The following MAGI2 variants were observed in gnomAD, a reference collection of about 807,000 sequenced individuals.
MAGI2 encodes membrane-associated guanylate kinase, WW and PDZ domain-containing protein 2.
In MAGI2, 35 loss-of-function variants were observed where a neutral mutation model predicts 133.3. The ratio of observed to expected loss-of-function variants is 0.26; its 90% CI spans 0.20 to 0.35. The LOEUF is 0.35. Among genes scored for constraint, MAGI2 ranks in the 10% least tolerant of loss-of-function variants. MAGI2 has a pLI of 1.00. For missense variants in MAGI2, 1,636 were observed against 1,863.4 expected (o/e 0.88, Z 2.25); for synonymous variants, 729 against 710.6 (o/e 1.03, Z -0.41).
At chr7:78,232,022 C>T (rs1211144035) in intron 10 of MAGI2, among the ~76,000 whole-genome samples, 1 of 151,528 alleles carries the variant, frequency 6.6e-6, no homozygotes, top group Non-Finnish European at 1.5e-5. Context: ...ATGGCCTTGA[C>T]TCAGGAACCA....
chr7:78,290,283 AAG>A (rs1796566303), intron 9 of MAGI2, among the ~76,000 whole-genome samples: 2 of 152,200 alleles, frequency 1.3e-5, no homozygotes, highest in Admixed American at 1.3e-4. Flanking sequence ...GGAAAACAAA[AAG>A]AGCAGGGGTT....
intron 5 of MAGI2, among the ~76,000 whole-genome samples, chr7:78,495,628 T>C (rs533009164): frequency 1.3e-5 from 2 of 152,324 alleles, no homozygotes; most frequent in East Asian, 1.9e-4. Context: ...TATCTATACA[T>C]AGGTAATACA....
At chr7:78,863,959 A>C (rs970153942) in intron 2 of MAGI2, among the ~76,000 whole-genome samples, 2 of 152,210 alleles carry the variant, frequency 1.3e-5, no homozygotes, top group Non-Finnish European at 1.5e-5. Context: ...CAGTATGCAT[A>C]TGGGGACCAG....
chr7:78,535,990 C>T (rs1291451327), intron 3 of MAGI2, among the ~76,000 whole-genome samples: 9 of 151,700 alleles, frequency 5.9e-5, no homozygotes, highest in Admixed American at 5.9e-4. Context: ...ACTTTCTGAC[C>T]CTCTTCTCAC....
chr7:78,128,631 T>A (rs1348502937), intron 18 of MAGI2, among the ~76,000 whole-genome samples: 2 of 152,146 alleles, frequency 1.3e-5, no homozygotes, highest in Non-Finnish European at 2.9e-5. Flanking sequence ...TAAGTATTTT[T>A]AAAAATCACT....
chr7:79,425,066 G>A (rs1847243913), intron 1 of MAGI2, among the ~76,000 whole-genome samples: 1 of 151,888 alleles, frequency 6.6e-6, no homozygotes, highest in Admixed American at 6.6e-5. Context: ...TGGCCAAGAT[G>A]GTGAAACTCC....
chr7:78,343,976 T>C lies in MAGI2; in HGVS notation c.1226-16A>G. On this transcript the variant is annotated splice_polypyrimidine_tract_variant and intron_variant, in intron 8 of 21. Transcript: ENST00000354212. ...AGTGGTTTTTCTACATTGGCCAATA[T>C]AAGTTAAAAAAGAAAAAGGCATGTT... The C allele has an allele frequency of 6.3e-7, 1 of 1,598,446 alleles. No homozygotes were observed.
chr7:78,168,912 A>T (rs1027049598), intron 14 of MAGI2, among the ~76,000 whole-genome samples: 1 of 152,228 alleles, frequency 6.6e-6, no homozygotes, highest in Non-Finnish European at 1.5e-5. Flanking sequence ...ACTCAAAAAA[A>T]TCTCAAACCT....
intron 16 of MAGI2, among the ~76,000 whole-genome samples, chr7:78,151,928 A>C (rs1282688470): frequency 6.6e-6 from 1 of 152,152 alleles, no homozygotes; most frequent in East Asian, 1.9e-4. Context: ...ATACAGCCCC[A>C]TCGACATAAA....
At chr7:78,082,758 AC>A (rs1394649204) in intron 20 of MAGI2, among the ~76,000 whole-genome samples, 1 of 152,036 alleles carries the variant, frequency 6.6e-6, no homozygotes, top group African/African-American at 2.4e-5. Context: ...GTTGCAAAGC[AC>A]TCTGGGCATT....
chr7:79,094,938 C>T (rs886130452), intron 1 of MAGI2, among the ~76,000 whole-genome samples: 37 of 152,068 alleles, frequency 2.4e-4, no homozygotes, highest in Admixed American at 2.4e-3. Flanking sequence ...TTTGGAATGG[C>T]AGATGAGCAC....
intron 20 of MAGI2, among the ~76,000 whole-genome samples, chr7:78,088,965 C>T (rs1341986215): frequency 6.6e-6 from 1 of 152,092 alleles, no homozygotes; most frequent in Non-Finnish European, 1.5e-5. Context: ...AAGCAGAGGT[C>T]AGAGAGGACA....
chr7:79,406,347 T>A (rs1845807876), intron 1 of MAGI2, among the ~76,000 whole-genome samples: 1 of 152,090 alleles, frequency 6.6e-6, no homozygotes, highest in Non-Finnish European at 1.5e-5. Context: ...TTTGCATTAT[T>A]TCAATCATAA....
intron 1 of MAGI2, among the ~76,000 whole-genome samples, chr7:79,418,486 G>A (rs1050611346): frequency 2.6e-5 from 4 of 151,946 alleles, no homozygotes; most frequent in Admixed American, 6.6e-5. Flanking sequence ...GATCAACAGC[G>A]CCACAATCAA....
intron 2 of MAGI2, among the ~76,000 whole-genome samples, chr7:78,891,666 C>A (rs1484408904): frequency 6.6e-6 from 1 of 152,150 alleles, no homozygotes; most frequent in African/African-American, 2.4e-5. Context: ...AGGCCTTTGA[C>A]AAAATTCAAC....
intron 1 of MAGI2, among the ~76,000 whole-genome samples, chr7:79,090,044 TA>T (rs1023757969): frequency 6.6e-6 from 1 of 151,738 alleles, no homozygotes; most frequent in African/African-American, 2.4e-5. Context: ...AATTAAAAAA[TA>T]GAAGATTTTT....
intron 6 of MAGI2, among the ~76,000 whole-genome samples, chr7:78,434,747 A>T (rs766615621): frequency 2.0e-5 from 3 of 152,126 alleles, no homozygotes; most frequent in African/African-American, 4.8e-5. Flanking sequence ...TATTGGAGAT[A>T]TAGAAAAATT....
At chr7:78,496,854 T>C (rs62467109) in intron 5 of MAGI2, among the ~76,000 whole-genome samples, 12,105 of 152,208 alleles carry the variant, frequency 0.08, 665 homozygotes, top group Non-Finnish European at 0.12. Flanking sequence ...TTGACTACTG[T>C]ATTCTCAGGG....
chr7:78,281,178 ATACATT>A (rs1406861155), intron 9 of MAGI2, among the ~76,000 whole-genome samples: 3 of 152,066 alleles, frequency 2.0e-5, no homozygotes, highest in Non-Finnish European at 4.4e-5. Context: ...CTTATAATCT[ATACATT>A]TAATAGGCAT....
Sources: allele counts gnomAD v4.1 joint callset (sites outside exome capture counted in the v4.1 genomes callset), GRCh38; gene constraint gnomAD v4.1.1; transcripts MANE v1.5; gene names NCBI Gene and HGNC (gene_info 2026-07-23, HGNC 2026-07-21).